Variants in ADGRD1 observed in about 807,000 individuals in gnomAD.
The protein encoded by ADGRD1 is G-protein coupled receptor 133.
In ADGRD1, 77 loss-of-function variants were observed where a neutral mutation model predicts 113.4. That is an observed-to-expected ratio of 0.68 (90% CI 0.57 to 0.82). The LOEUF (loss-of-function observed/expected upper bound fraction) is 0.82, where lower values mean the gene tolerates loss of function less well. Among genes scored for constraint, ADGRD1 ranks in the 40% least tolerant of loss-of-function variants. The pLI is 0.00. For synonymous variants in ADGRD1, 474 were observed against 475.0 expected, an observed-to-expected ratio of 1.00 and a Z score of 0.03; for missense variants, 1,036 against 1,139.1, an observed-to-expected ratio of 0.91 and a Z score of 1.30.
At chr12:131,136,300 C>T in intron 22 of ADGRD1, 137 bp downstream of exon 22, 1 of 1,082,306 alleles carries the variant, frequency 9.2e-7, no homozygotes, top group South Asian at 1.5e-5. Context: ...GCGGGGCATC[C>T]CCGAAGCCTG....
intron 16 of ADGRD1, 134 bp from the exon 17 acceptor site, chr12:131,105,620 C>T (rs914006248): frequency 1.5e-6 from 1 of 656,002 alleles, no homozygotes; most frequent in Non-Finnish European, 2.7e-6. Flanking sequence ...CGATGGTCCA[C>T]AGCAGGGAGT....
At chr12:130,955,794 A>AT (rs1055456631) in intron 2 of ADGRD1, among the ~76,000 whole-genome samples, 34 of 139,268 alleles carry the variant, frequency 2.4e-4, no homozygotes, top group African/African-American at 8.6e-4. Flanking sequence ...TTTTGTTTTT[A>AT]TTTTTTGAGA....
intron 13 of ADGRD1, among the ~76,000 whole-genome samples, chr12:131,073,818 C>T (rs1339457495): frequency 6.6e-6 from 1 of 152,140 alleles, no homozygotes; most frequent in Non-Finnish European, 1.5e-5. Flanking sequence ...TTTGTATCAA[C>T]CTAATTTCAT....
chr12:130,966,960 C>A lies in ADGRD1; in HGVS notation c.187+414C>A, dbSNP rs768523035. On this transcript the variant is annotated intron_variant, in intron 3 of 24. Transcript: ENST00000261654. This position sits in a 1 kb window ranked among gnomAD's most constrained non-coding sequence, Gnocchi z 4.6. ...AGAATTTTTATAGAGAGAGCTATTG[C>A]GTATTGAATGGGAGAATTTCTGATT... 2.2e-6 allele frequency: 1 copy of A among 449,078 alleles called. No homozygotes were observed. The highest frequency in any genetic ancestry group is 4.5e-6 in the Non-Finnish European group (1 of 220,600). 27.8% of individuals were successfully genotyped at this position (449,078 alleles called of 1,614,324 possible).
At chr12:131,052,262 C>T (rs1310939277) in intron 13 of ADGRD1, among the ~76,000 whole-genome samples, 1 of 152,166 alleles carries the variant, frequency 6.6e-6, no homozygotes, top group Middle Eastern at 3.2e-3. Flanking sequence ...AGATGAGAAC[C>T]CCTGCACCGA....
rs188349563 is a variant in ADGRD1 at position 131,066,021 on chromosome 12, G to T, written c.1474-10780G>T. ...CCTGATGTCTCTGTGGTGAACTCTG[G>T]CAGGGGTGAGGCTGAGGTTAAACCT... On this transcript the variant is annotated intron_variant, in intron 13 of 24. Transcript: ENST00000261654. Among the ~76,000 whole-genome samples, 142 of 152,258 alleles carry T rather than the reference G, an allele frequency of 9.3e-4. 1 individual carries two copies. The highest frequency in any genetic ancestry group is 1.7e-3 in the Non-Finnish European group (114 of 68,018).
In ADGRD1 at chr12:131,074,656, AG is replaced by A. The variant is rs751377813; in HGVS notation, c.1474-2143del. On this transcript the variant is annotated intron_variant, in intron 13 of 24. Coordinates refer to ENST00000261654, the MANE Select transcript of ADGRD1 (RefSeq NM_198827.5). ...CACGTCACACCCCTGGGAGCCCGGGAGGCCCCCTTTTCTGGAGACTTGCTGA... is the reference window on the plus strand; with the variant it reads ...CACGTCACACCCCTGGGAGCCCGGGAGCCCCCTTTTCTGGAGACTTGCTGA... Among the ~76,000 whole-genome samples the A allele has an allele frequency of 1.1e-3, 167 of 152,320 alleles. 2 individuals carry two copies. The highest frequency in any genetic ancestry group is 8.1e-4 in the Non-Finnish European group (55 of 68,014).
chr12:131,049,855 G>A (rs757720973), intron 13 of ADGRD1, among the ~76,000 whole-genome samples: 5 of 152,176 alleles, frequency 3.3e-5, no homozygotes, highest in African/African-American at 7.2e-5. Context: ...TGGGGGACTC[G>A]GAGCCACTCC....
chr12:130,985,429 T>C (rs911377790), intron 5 of ADGRD1, among the ~76,000 whole-genome samples: 3 of 152,234 alleles, frequency 2.0e-5, no homozygotes, highest in Non-Finnish European at 4.4e-5. Flanking sequence ...TAATAAGTCA[T>C]CACTAAACCC....
At chr12:131,018,740 CG>C (rs1878946401) in intron 13 of ADGRD1, among the ~76,000 whole-genome samples, 1 of 152,236 alleles carries the variant, frequency 6.6e-6, no homozygotes, top group South Asian at 2.1e-4. Flanking sequence ...ACCCCTGGAT[CG>C]TTTCTGTTAG....
At chr12:131,062,053 G>A (rs1019885950) in intron 13 of ADGRD1, among the ~76,000 whole-genome samples, 1 of 152,138 alleles carries the variant, frequency 6.6e-6, no homozygotes, top group Non-Finnish European at 1.5e-5. Context: ...TTGAGATGGA[G>A]TCTCACTCTG....
intron 13 of ADGRD1, among the ~76,000 whole-genome samples, chr12:131,053,978 C>A (rs1033535534): frequency 1.3e-5 from 2 of 152,092 alleles, no homozygotes; most frequent in Non-Finnish European, 2.9e-5. Context: ...GGTTATAGCC[C>A]GTCCCATTTA....
chr12:131,020,526 G>A (rs536282383), intron 13 of ADGRD1, among the ~76,000 whole-genome samples: 1 of 152,354 alleles, frequency 6.6e-6, no homozygotes, highest in East Asian at 1.9e-4. Flanking sequence ...GGAAACGGAG[G>A]CACTGTTGGC....
chr12:130,982,850 G>A (rs946227720), intron 5 of ADGRD1, among the ~76,000 whole-genome samples: 2 of 151,456 alleles, frequency 1.3e-5, no homozygotes, highest in African/African-American at 4.9e-5. Context: ...TGGGGACACA[G>A]AAGGACTCAG....
intron 2 of ADGRD1, among the ~76,000 whole-genome samples, chr12:130,963,532 A>G (rs1204260484): frequency 6.6e-6 from 1 of 152,124 alleles, no homozygotes; most frequent in Non-Finnish European, 1.5e-5. Flanking sequence ...ATTTTACACA[A>G]ATAGCTCATA....
chr12:131,125,588 A>G (rs1050906928), intron 20 of ADGRD1, among the ~76,000 whole-genome samples: 2 of 152,254 alleles, frequency 1.3e-5, no homozygotes, highest in Admixed American at 1.3e-4. Flanking sequence ...AGGCAGATAC[A>G]TGGATACAGA....
rs555761955 is a variant in ADGRD1 at position 131,004,250 on chromosome 12, C to T, written c.1209C>T (p.His403=). 4.1e-5 allele frequency: 66 copies of T among 1,613,968 alleles called. No homozygotes were observed. Among genetic ancestry groups the T allele is most frequent in the East Asian group, 3.6e-4 (16 of 44,856 alleles). The change falls in exon 11 of 25, where the codon CAC becomes CAT. Residue 403 remains histidine, a synonymous_variant. Coordinates refer to ENST00000261654, the MANE Select transcript of ADGRD1 (RefSeq NM_198827.5). ...CCTCCCATTACCGCTTCCCGGCCCA[C>T]GGGCAGAGCTTCATCCAGATCCCCC... is the stretch of plus-strand genomic sequence containing the variant. ...VNSSHYRFPA[H]GQSFIQIPHE...
At chr12:131,101,577 G>A (rs1170737023) in intron 15 of ADGRD1, among the ~76,000 whole-genome samples, 3 of 151,602 alleles carry the variant, frequency 2.0e-5, no homozygotes, top group African/African-American at 7.3e-5. Flanking sequence ...TAGGAGAGAC[G>A]GGATTTCACC....
chr12:131,052,650 G>A (rs1020856586), intron 13 of ADGRD1, among the ~76,000 whole-genome samples: 3 of 149,398 alleles, frequency 2.0e-5, no homozygotes, highest in Non-Finnish European at 4.5e-5. Context: ...TTGTGGGGGA[G>A]GAATGAGAGG....
Sources: allele counts gnomAD v4.1 joint callset (sites outside exome capture counted in the v4.1 genomes callset), GRCh38; gene constraint gnomAD v4.1.1; non-coding constraint Gnocchi (gnomAD v3.1); transcripts MANE v1.5; gene names NCBI Gene and HGNC (gene_info 2026-07-23, HGNC 2026-07-21).